PVT1: variants seen among roughly 807,000 people sequenced by gnomAD.
PVT1 encodes the protein CXCR4/PVT1 fusion.
intron 5 of PVT1, among the ~76,000 whole-genome samples, chr8:128,072,582 C>A (rs568996127): frequency 6.6e-5 from 10 of 152,210 alleles, no homozygotes; most frequent in African/African-American, 2.2e-4. Flanking sequence ...AGAGTCATTT[C>A]CCCCCAACTC....
Position 127,914,815 on chromosome 8 carries a change from G to GTT in PVT1, n.782+23835_782+23836dup, listed in dbSNP as rs1181623236. Among the ~76,000 whole-genome samples the GTT allele has an allele frequency of 6.8e-3, 883 of 130,794 alleles. 11 individuals carry two copies. The highest frequency in any genetic ancestry group is 0.024 in the African/African-American group (814 of 34,274). The allele number at this position is 130,794 out of a possible 152,430, so 85.8% of individuals were successfully genotyped here. ...CTTAATGGGTACAAAGTTGTTGTTG[G>GTT]TTTTTTTTTTTTTTTTTTTGAGACC... On this transcript the variant is annotated intron_variant and non_coding_transcript_variant, in intron 3 of 10. Coordinates refer to ENST00000651587, the Ensembl canonical transcript of PVT1.
chr8:128,025,475 C>T (rs539337192), intron 4 of PVT1, among the ~76,000 whole-genome samples: 1 of 152,310 alleles, frequency 6.6e-6, no homozygotes, highest in African/African-American at 2.4e-5. Flanking sequence ...CTTCAGCCCT[C>T]AGGGGAGAGA....
At chr8:127,957,566 CAAAAAAAAAA>C (rs56796489) in intron 3 of PVT1, among the ~76,000 whole-genome samples, 5 of 91,816 alleles carry the variant, frequency 5.4e-5, no homozygotes, top group Non-Finnish European at 8.7e-5. Context: ...GACTCCGTCT[CAAAAAAAAAA>C]AAAAAAAAAA....
rs1427068419 is a variant in PVT1 at position 127,864,675 on chromosome 8, G to T, written n.373-25914G>T. ...CCATTCTCCTGCCTCAGCCCCCTGA[G>T]TAGCTGGGACTACAGGCGCCCACCA... is the stretch of plus-strand genomic sequence containing the variant. On this transcript the variant is annotated intron_variant and non_coding_transcript_variant, in intron 2 of 10. Transcript: ENST00000651587. Among the ~76,000 whole-genome samples the T allele has an allele frequency of 4.6e-5, 7 of 152,102 alleles. No individual in the cohort carries two copies. In the East Asian group the frequency reaches 1.4e-3, roughly 29 times the overall value.
intron 3 of PVT1, among the ~76,000 whole-genome samples, chr8:127,972,357 C>T (rs183170223): frequency 1.6e-4 from 24 of 152,332 alleles, no homozygotes; most frequent in Admixed American, 1.6e-3. Flanking sequence ...ATTTGCTGGT[C>T]ACTCACAGGG....
At chr8:128,071,719 T>TAAATAAATAAAA (rs1384028107) in intron 5 of PVT1, among the ~76,000 whole-genome samples, 26 of 150,526 alleles carry the variant, frequency 1.7e-4, no homozygotes, top group Non-Finnish European at 2.4e-4. Flanking sequence ...AATAAATAAA[T>TAAATAAATAAAA]AAAAATAAAA....
intron 4 of PVT1, among the ~76,000 whole-genome samples, chr8:128,052,667 T>G (rs1433858252): frequency 1.3e-5 from 2 of 152,224 alleles, no homozygotes; most frequent in African/African-American, 2.4e-5. Context: ...CTGTATTCCT[T>G]CACTAGATTG....
intron 2 of PVT1, among the ~76,000 whole-genome samples, chr8:127,858,805 CTTTTTTTTTTTT>C (rs35886687): frequency 0.06 from 2,843 of 47,426 alleles, 142 homozygotes; most frequent in East Asian, 0.29. Context: ...CTTGAAGATT[CTTTTTTTTTTTT>C]TTTTTTTTTT....
At chr8:127,836,168 T>A (rs1012848451) in intron 2 of PVT1, among the ~76,000 whole-genome samples, 7 of 152,276 alleles carry the variant, frequency 4.6e-5, no homozygotes, top group African/African-American at 4.8e-5. Context: ...GTAAAAAAAA[T>A]TTATTAAATT....
At chr8:127,968,748 G>A (rs1300584856) in intron 3 of PVT1, among the ~76,000 whole-genome samples, 1 of 152,136 alleles carries the variant, frequency 6.6e-6, no homozygotes, top group Admixed American at 6.5e-5. Flanking sequence ...GTCATCTTGG[G>A]GTATGGTGAG....
chr8:128,049,590 T>G (rs1309535825), intron 4 of PVT1, among the ~76,000 whole-genome samples: 1 of 152,188 alleles, frequency 6.6e-6, no homozygotes, highest in East Asian at 1.9e-4. Context: ...CCCAGAAGGC[T>G]GACCTGTGTG....
chr8:127,947,833 T>C (rs754458505), intron 3 of PVT1: 1 of 456,520 alleles, frequency 2.2e-6, no homozygotes, highest in South Asian at 1.5e-5. Flanking sequence ...AAGCTCACAT[T>C]TATTAAGCAC....
chr8:128,041,066 TTG>T, intron 4 of PVT1, among the ~76,000 whole-genome samples: 1 of 151,526 alleles, frequency 6.6e-6, no homozygotes, highest in Non-Finnish European at 1.5e-5. Flanking sequence ...TGTTTTGTGC[TTG>T]TGTGTATTTG....
At chr8:127,799,619 C>A (rs927634373) in intron 2 of PVT1, among the ~76,000 whole-genome samples, 10 of 150,898 alleles carry the variant, frequency 6.6e-5, no homozygotes, top group African/African-American at 2.4e-4. Flanking sequence ...GAGTGTAGAT[C>A]TGGTTACTTT....
intron 4 of PVT1, among the ~76,000 whole-genome samples, chr8:128,011,095 TGCG>T (rs1322335261): frequency 5.3e-5 from 8 of 152,206 alleles, no homozygotes; most frequent in African/African-American, 1.4e-4. Context: ...TGTCTTAAGG[TGCG>T]GGGACCTCTA....
intron 2 of PVT1, among the ~76,000 whole-genome samples, chr8:127,877,864 TG>T: frequency 6.6e-6 from 1 of 152,220 alleles, no homozygotes; most frequent in East Asian, 1.9e-4. Context: ...AGTTTGAGGC[TG>T]CAGTGAGCCA....
At chr8:127,866,339 C>T (rs912929356) in intron 2 of PVT1, among the ~76,000 whole-genome samples, 3 of 151,980 alleles carry the variant, frequency 2.0e-5, no homozygotes, top group Admixed American at 1.3e-4. Context: ...GCTTTCCTGC[C>T]CCTGACCCAC....
At chr8:127,971,898 G>A (rs1466100903) in intron 3 of PVT1, among the ~76,000 whole-genome samples, 1 of 152,172 alleles carries the variant, frequency 6.6e-6, no homozygotes, top group African/African-American at 2.4e-5. Flanking sequence ...TAGAATGCTG[G>A]TCTTCGGACA....
intron 4 of PVT1, among the ~76,000 whole-genome samples, chr8:128,064,179 A>G (rs1427920285): frequency 2.0e-5 from 3 of 152,174 alleles, no homozygotes; most frequent in Admixed American, 6.5e-5. Context: ...TGGGTGCCCA[A>G]TGATATGCTA....
Sources: gnomAD v4.1 joint callset for allele counts (sites outside exome capture counted in the v4.1 genomes callset) on GRCh38, gnomAD v4.1.1 for gene constraint, MANE v1.5 for transcripts, NCBI Gene and HGNC (gene_info 2026-07-23, HGNC 2026-07-21) for gene names.